Variants in GNAQ observed in about 807,000 individuals in gnomAD.
GNAQ encodes the protein guanine nucleotide-binding protein G(q) subunit alpha.
A neutral mutation model predicts 43.9 loss-of-function variants in GNAQ; 8 were observed. The observed-to-expected ratio is 0.18, with a 90% CI of 0.11 to 0.33. The LOEUF (loss-of-function observed/expected upper bound fraction) is 0.33, where lower values mean the gene tolerates loss of function less well. Among genes scored for constraint, GNAQ ranks in the 10% least tolerant of loss-of-function variants. The pLI is 1.00. For synonymous variants in GNAQ, 155 were observed against 170.7 expected, an observed-to-expected ratio of 0.91 and a Z score of 0.71; for missense variants, 158 against 450.8, an observed-to-expected ratio of 0.35 and a Z score of 5.88.
intron 2 of GNAQ, among the ~76,000 whole-genome samples, chr9:77,849,695 C>A (rs1299984165): frequency 6.6e-6 from 1 of 152,156 alleles, no homozygotes; most frequent in Non-Finnish European, 1.5e-5. Context: ...CTCTTACTTG[C>A]CTTCTCTGAT....
chr9:78,021,289 G>A (rs1291570004), intron 1 of GNAQ, among the ~76,000 whole-genome samples: 1 of 152,034 alleles, frequency 6.6e-6, no homozygotes, highest in Non-Finnish European at 1.5e-5. Context: ...GCTTCCCAAA[G>A]TGCTGGGATT....
chr9:77,977,928 T>G (rs186196869), intron 1 of GNAQ, among the ~76,000 whole-genome samples: 9 of 152,278 alleles, frequency 5.9e-5, no homozygotes, highest in Non-Finnish European at 1.2e-4. Flanking sequence ...CCTCCACCAG[T>G]GGCAACAGCA....
At chr9:78,015,406 CA>C (rs1374062664) in intron 1 of GNAQ, among the ~76,000 whole-genome samples, 3 of 152,168 alleles carry the variant, frequency 2.0e-5, no homozygotes, top group African/African-American at 7.2e-5. Flanking sequence ...ACTGTACTTA[CA>C]TAGAGCAAAA....
intron 5 of GNAQ, among the ~76,000 whole-genome samples, chr9:77,766,603 G>A (rs1564104707): frequency 6.6e-6 from 1 of 152,118 alleles, no homozygotes; most frequent in Admixed American, 6.5e-5. Flanking sequence ...CTGTGTTCCA[G>A]GCTGGGCTCA....
At chr9:77,769,197 T>C (rs1361393307) in intron 5 of GNAQ, among the ~76,000 whole-genome samples, 2 of 151,970 alleles carry the variant, frequency 1.3e-5, no homozygotes, top group African/African-American at 4.8e-5. Flanking sequence ...GGTCAGGAGT[T>C]TGAGACAAGC....
chr9:77,815,728 A>G lies in GNAQ; in HGVS notation c.364T>C (p.Ser122Pro), dbSNP rs1163999044. 1 of 1,610,672 alleles carries G rather than the reference A, an allele frequency of 6.2e-7. No individual in the cohort carries two copies. The highest frequency in any genetic ancestry group is 8.5e-7 in the Non-Finnish European group (1 of 1,177,274). ...TCTACATATGGATTCTCAAAAGCAGACACCTTCTCCACATCAACTTCTCGA... is the reference window on the plus strand; with the variant it reads ...TCTACATATGGATTCTCAAAAGCAGGCACCTTCTCCACATCAACTTCTCGA... ...LVREVDVEKV[S>P]AFENPYVDAI... is the part of the protein sequence containing the mutation. Residue 122 changes from serine (S) to proline (P), a missense_variant, in exon 3 of 7, where the codon TCT becomes CCT. Transcript: ENST00000286548.
At chr9:77,734,249 C>T (rs1825538826) in intron 5 of GNAQ, among the ~76,000 whole-genome samples, 1 of 152,138 alleles carries the variant, frequency 6.6e-6, no homozygotes, top group Non-Finnish European at 1.5e-5. Flanking sequence ...CATTATCTTG[C>T]CAATAAGAAC....
chr9:77,944,447 CCAT>C (rs1037409638), intron 1 of GNAQ, among the ~76,000 whole-genome samples: 1 of 152,006 alleles, frequency 6.6e-6, no homozygotes, highest in African/African-American at 2.4e-5. Context: ...CCGCCTCACC[CCAT>C]ATATCCTCTT....
chr9:77,975,228 A>C (rs1349234925), intron 1 of GNAQ, among the ~76,000 whole-genome samples: 1 of 152,244 alleles, frequency 6.6e-6, no homozygotes, highest in East Asian at 1.9e-4. Context: ...AAGTGCCGTA[A>C]ATAAATCTTG....
chr9:77,966,522 A>G (rs899239658), intron 1 of GNAQ, among the ~76,000 whole-genome samples: 1 of 152,196 alleles, frequency 6.6e-6, no homozygotes, highest in Non-Finnish European at 1.5e-5. Flanking sequence ...CAAAGGAACA[A>G]AATTCATTTT....
At chr9:77,839,364 T>C (rs997967107) in intron 2 of GNAQ, among the ~76,000 whole-genome samples, 1 of 152,184 alleles carries the variant, frequency 6.6e-6, no homozygotes, top group Non-Finnish European at 1.5e-5. Context: ...GATATGACAA[T>C]TTCCACTATC....
intron 1 of GNAQ, among the ~76,000 whole-genome samples, chr9:77,954,913 T>A (rs1050751575): frequency 2.0e-5 from 3 of 152,168 alleles, no homozygotes; most frequent in African/African-American, 7.2e-5. Flanking sequence ...AATTCCATAT[T>A]AGCACTCTGG....
At chr9:77,881,168 T>A (rs886510383) in intron 2 of GNAQ, among the ~76,000 whole-genome samples, 6 of 152,168 alleles carry the variant, frequency 3.9e-5, no homozygotes, top group Non-Finnish European at 8.8e-5. Flanking sequence ...TCTACACAAA[T>A]TATGTTTACC....
chr9:77,744,600 C>T (rs965151431), intron 5 of GNAQ, among the ~76,000 whole-genome samples: 2 of 151,974 alleles, frequency 1.3e-5, no homozygotes, highest in Non-Finnish European at 2.9e-5. Flanking sequence ...GGCTAGCTTT[C>T]CAATGATTTA....
intron 2 of GNAQ, among the ~76,000 whole-genome samples, chr9:77,826,970 A>C (rs1827207490): frequency 6.6e-6 from 1 of 152,316 alleles, no homozygotes; most frequent in African/African-American, 2.4e-5. Flanking sequence ...TACGGTTCTT[A>C]CCAACATGCT....
chr9:77,866,041 T>A (rs1827941932), intron 2 of GNAQ, among the ~76,000 whole-genome samples: 1 of 152,224 alleles, frequency 6.6e-6, no homozygotes, highest in Non-Finnish European at 1.5e-5. Context: ...TAATAGATGT[T>A]TACATGAAGT....
chr9:77,776,976 T>C (rs1826314576), intron 5 of GNAQ, among the ~76,000 whole-genome samples: 1 of 151,592 alleles, frequency 6.6e-6, no homozygotes, highest in South Asian at 2.1e-4. Flanking sequence ...GAAGGACCCA[T>C]ACTTTCTAAT....
intron 2 of GNAQ, among the ~76,000 whole-genome samples, chr9:77,836,930 G>A (rs892427507): frequency 6.6e-6 from 1 of 152,116 alleles, no homozygotes; most frequent in Non-Finnish European, 1.5e-5. Context: ...TTTCTTTCAT[G>A]GCAGTGAGTA....
At chr9:77,778,080 A>G (rs972589321) in intron 5 of GNAQ, among the ~76,000 whole-genome samples, 7 of 152,048 alleles carry the variant, frequency 4.6e-5, no homozygotes, top group African/African-American at 1.7e-4. Context: ...AAGTATAATC[A>G]ACTCAAGTAT....
Sources: allele counts gnomAD v4.1 joint callset (sites outside exome capture counted in the v4.1 genomes callset), GRCh38; gene constraint gnomAD v4.1.1; transcripts MANE v1.5; gene names NCBI Gene and HGNC (gene_info 2026-07-23, HGNC 2026-07-21).